Variants in HFM1 observed in about 807,000 individuals in gnomAD.
The protein encoded by HFM1 is probable ATP-dependent DNA helicase HFM1.
In HFM1, 169 loss-of-function variants were observed where a neutral mutation model predicts 192.1. That is an observed-to-expected ratio of 0.88 (90% CI 0.78 to 1.00). HFM1 has a LOEUF of 1.00. Among genes scored for constraint, HFM1 ranks in the 50% least tolerant of loss-of-function variants. The pLI is 0.00. For synonymous variants in HFM1, 525 were observed against 537.8 expected (o/e 0.98, Z 0.33); for missense variants, 1,661 against 1,668.0 (o/e 1.00, Z 0.07).
chr1:91,289,078 G>A (rs908632441), intron 30 of HFM1, among the ~76,000 whole-genome samples: 3 of 151,628 alleles, frequency 2.0e-5, no homozygotes, highest in African/African-American at 4.8e-5. Context: ...GGCGGCTGCC[G>A]GGCGGAGACA....
chr1:91,375,543 T>C lies in HFM1; in HGVS notation c.1580A>G (p.Gln527Arg), dbSNP rs1202675073. ...IASVIQMYSDQKPTLVFCATR... is the reference protein window; with the variant it reads ...IASVIQMYSDRKPTLVFCATR... ...AATCCATACCACAAGTGTGGGTTTC[T>C]GATCAGAGTACATTTGTATAACACT... Residue 527 changes from glutamine (Q) to arginine (R), a missense_variant, in exon 12 of 39, where the codon CAG (glutamine) becomes CGG (arginine). By Grantham distance (43) the Gln-to-Arg change is conservative (BLOSUM62 1). Coordinates refer to ENST00000370425, the MANE Select transcript of HFM1 (RefSeq NM_001017975.6). The C allele has an allele frequency of 6.2e-7, 1 of 1,613,358 alleles. No homozygotes were observed. The highest frequency in any genetic ancestry group is 1.7e-5 in the Admixed American group (1 of 59,906).
intron 13 of HFM1, among the ~76,000 whole-genome samples, chr1:91,359,309 A>G (rs1286171990): frequency 1.3e-5 from 2 of 152,180 alleles, no homozygotes; most frequent in African/African-American, 2.4e-5. Flanking sequence ...AACTTCACTG[A>G]GCTAAAGGAG....
At chr1:91,374,551 G>A (rs374911874) in intron 13 of HFM1, among the ~76,000 whole-genome samples, 35 of 152,252 alleles carry the variant, frequency 2.3e-4, no homozygotes, top group African/African-American at 6.7e-4. Flanking sequence ...ACAGGACTTC[G>A]TAATTGATTG....
At chr1:91,289,922 G>A (rs940526507) in intron 30 of HFM1, among the ~76,000 whole-genome samples, 1 of 151,920 alleles carries the variant, frequency 6.6e-6, no homozygotes, top group Admixed American at 6.6e-5. Context: ...ATAATTTTCA[G>A]CCCAGAATTT....
chr1:91,284,929 A>G (rs1667800041), intron 30 of HFM1, among the ~76,000 whole-genome samples: 2 of 152,156 alleles, frequency 1.3e-5, no homozygotes, highest in Non-Finnish European at 2.9e-5. Context: ...TGCAGCTCCC[A>G]TAATTTCCAC....
chr1:91,383,931 AT>A (rs35828440), intron 6 of HFM1, among the ~76,000 whole-genome samples: 133,140 of 151,910 alleles, frequency 0.88, 58,370 homozygotes, highest in Middle Eastern at 0.92. Context: ...TCCTTAAAAA[AT>A]ATACCATTTT....
At chr1:91,407,399 C>T (rs1411438977), upstream of HFM1, among the ~76,000 whole-genome samples, 1 of 152,062 alleles carries the variant, frequency 6.6e-6, no homozygotes, top group East Asian at 1.9e-4. Context: ...GGAACTCCTT[C>T]TTTTCCCCTT....
At chr1:91,285,202 T>C (rs1404750126) in intron 30 of HFM1, among the ~76,000 whole-genome samples, 1 of 152,196 alleles carries the variant, frequency 6.6e-6, no homozygotes, top group East Asian at 1.9e-4. Flanking sequence ...GTCTCAGTTA[T>C]GTCTTTATCA....
chr1:91,315,731 T>A, intron 28 of HFM1, 84 bp downstream of exon 28: 1 of 950,236 alleles, frequency 1.1e-6, no homozygotes, highest in Non-Finnish European at 1.6e-6. Context: ...CCCACAATGA[T>A]CTTGTTATTT....
chr1:91,404,637 G>C (rs1468589082), intron 1 of HFM1, 161 bp downstream of exon 1: 1 of 270,566 alleles, frequency 3.7e-6, no homozygotes, highest in Non-Finnish European at 7.3e-6. Flanking sequence ...GCCTGGAGAC[G>C]CCTGGTGACC....
intron 2 of HFM1, among the ~76,000 whole-genome samples, chr1:91,397,429 T>C (rs374508035): frequency 8.5e-5 from 13 of 152,292 alleles, no homozygotes; most frequent in African/African-American, 2.9e-4. Flanking sequence ...TGACAGGAAA[T>C]AAAGTTGAGA....
intron 30 of HFM1, among the ~76,000 whole-genome samples, chr1:91,313,105 T>C (rs750909781): frequency 2.0e-5 from 3 of 152,140 alleles, no homozygotes; most frequent in Non-Finnish European, 2.9e-5. Flanking sequence ...ATCAGCAGCA[T>C]GAAAATGGAC....
At chr1:91,392,904 C>T (rs936010965) in intron 4 of HFM1, among the ~76,000 whole-genome samples, 1 of 151,830 alleles carries the variant, frequency 6.6e-6, no homozygotes, top group Non-Finnish European at 1.5e-5. Context: ...GATTAGTGGC[C>T]ACCAGGTGCT....
intron 38 of HFM1, among the ~76,000 whole-genome samples, chr1:91,261,983 CAGTAAA>C (rs1348906233): frequency 1.3e-5 from 2 of 152,078 alleles, no homozygotes; most frequent in Admixed American, 1.3e-4. Context: ...GTATTCAAAT[CAGTAAA>C]AGTAAGTTTA....
chr1:91,380,947 A>G lies in HFM1; in HGVS notation c.838T>C (p.Tyr280His). The G allele has an allele frequency of 6.9e-7, 1 of 1,459,850 alleles. No homozygotes were observed. Among genetic ancestry groups the G allele is most frequent in the South Asian group, 1.2e-5 (1 of 86,592 alleles). 90.4% of individuals were successfully genotyped at this position (1,459,850 alleles called of 1,614,324 possible). A position where few individuals can be genotyped will look rare whatever the true frequency, so the allele number is the denominator to read the frequency against. Residue 280 changes from tyrosine (Y) to histidine (H), a missense_variant, in exon 7 of 39, where the codon TAT becomes CAT. Tyr to His is a moderately conservative substitution (Grantham distance 83). Transcript: ENST00000370425. ...KFRSIFKEFP[Y>H]FNYIQSKAFD... ...GCCTTGGACTGTATATAGTTGAAAT[A>G]TGGAAATTCTTTGAAAATACTTCTA...
chr1:91,275,119 G>A (rs1172310550), intron 32 of HFM1, among the ~76,000 whole-genome samples: 1 of 152,012 alleles, frequency 6.6e-6, no homozygotes, highest in East Asian at 1.9e-4. Context: ...GACTAGCTGG[G>A]ATTACAGGTG....
At position 91,364,627 on chromosome 1, in the gene HFM1, TATA is replaced by T. The variant is rs1327328248; in HGVS notation, c.1685+10728_1685+10730del. Among the ~76,000 whole-genome samples the T allele has an allele frequency of 5.4e-3, 250 of 46,610 alleles. 3 individuals are homozygous for T. Among genetic ancestry groups the T allele is most frequent in the Admixed American group, 0.041 (153 of 3,696 alleles). The allele number at this position is 46,610 out of a possible 152,430, so 30.6% of individuals were successfully genotyped here. ...ATATACATATATATATATATATATA[TATA>T]TATTTTTTTTTTTTTTTTGAGACAG... On this transcript the variant is annotated intron_variant, in intron 13 of 38. Coordinates refer to ENST00000370425, the MANE Select transcript of HFM1 (RefSeq NM_001017975.6).
At chr1:91,377,924 A>G (rs570192228) in intron 11 of HFM1, 101 bp downstream of exon 11, 1 of 1,029,466 alleles carries the variant, frequency 9.7e-7, no homozygotes, top group South Asian at 1.4e-5. Context: ...CTTTCCTATT[A>G]AAGGAAAGGA....
chr1:91,289,173 C>A (rs1352475638), intron 30 of HFM1, among the ~76,000 whole-genome samples: 2 of 151,930 alleles, frequency 1.3e-5, no homozygotes, highest in African/African-American at 4.8e-5. Context: ...ACGCTCCTCA[C>A]CTCCCAGACG....
Sources: allele counts gnomAD v4.1 joint callset (sites outside exome capture counted in the v4.1 genomes callset), GRCh38; gene constraint gnomAD v4.1.1; transcripts MANE v1.5; gene names NCBI Gene and HGNC (gene_info 2026-07-23, HGNC 2026-07-21).